The following KATNAL1 variants were observed in gnomAD, a reference collection of about 807,000 sequenced individuals.
The protein encoded by KATNAL1 is katanin p60 ATPase-containing subunit A-like 1.
In KATNAL1, 32 loss-of-function variants were observed where a neutral mutation model predicts 55.2. The observed-to-expected ratio is 0.58, with a 90% CI of 0.44 to 0.78. The LOEUF is 0.78. Ranked by LOEUF, KATNAL1 falls within the 30% of genes least tolerant of loss-of-function variation. KATNAL1 has a pLI of 0.00. For missense variants in KATNAL1, 466 were observed against 600.9 expected (o/e 0.78, Z 2.35); for synonymous variants, 193 against 193.6 (o/e 1.00, Z 0.02).
chr13:30,208,509 A>C lies in KATNAL1; in HGVS notation c.*31T>G. The C allele has an allele frequency of 6.9e-7, 1 of 1,457,324 alleles. No homozygotes were observed. Among genetic ancestry groups the C allele is most frequent in the Non-Finnish European group, 9.1e-7 (1 of 1,094,094 alleles). The allele number at this position is 1,457,324 out of a possible 1,614,324, so 90.3% of individuals were successfully genotyped here. ...GAATTTCTTCGTATTTTATCAACAA[A>C]AATACCAGAAATTAAAGAGCTGACA... On this transcript the variant is annotated 3_prime_UTR_variant, in exon 11 of 11. Transcript: ENST00000380615.
chr13:30,272,814 G>A (rs1057090785), intron 3 of KATNAL1, among the ~76,000 whole-genome samples: 3 of 152,126 alleles, frequency 2.0e-5, no homozygotes, highest in African/African-American at 7.2e-5. Context: ...CAAATGGAAC[G>A]TCCTCCCACC....
chr13:30,246,333 C>T (rs750316238), intron 4 of KATNAL1, among the ~76,000 whole-genome samples: 1 of 152,196 alleles, frequency 6.6e-6, no homozygotes, highest in South Asian at 2.1e-4. Flanking sequence ...GGAAAATTGG[C>T]TAGCCATATG....
At chr13:30,265,200 A>T (rs866635157) in intron 3 of KATNAL1, among the ~76,000 whole-genome samples, 1 of 148,956 alleles carries the variant, frequency 6.7e-6, no homozygotes, top group African/African-American at 2.5e-5. Flanking sequence ...AGGAAGGGGA[A>T]CATCACACTC....
chr13:30,282,522 T>A (rs538401554), intron 2 of KATNAL1, among the ~76,000 whole-genome samples: 1 of 151,754 alleles, frequency 6.6e-6, no homozygotes, highest in Non-Finnish European at 1.5e-5. Flanking sequence ...CCTGTCCCCC[T>A]AGCTACTTGG....
At chr13:30,290,405 AAG>A (rs1237147617) in intron 1 of KATNAL1, among the ~76,000 whole-genome samples, 8 of 152,218 alleles carry the variant, frequency 5.3e-5, no homozygotes, top group Non-Finnish European at 1.0e-4. Context: ...TGAAAGACAA[AAG>A]AGAGTTTAAT....
intron 6 of KATNAL1, among the ~76,000 whole-genome samples, chr13:30,232,123 TA>T (rs1441210984): frequency 6.6e-6 from 1 of 152,120 alleles, no homozygotes; most frequent in Admixed American, 6.5e-5. Flanking sequence ...AAAACAAACA[TA>T]AAAGTATTCT....
At chr13:30,287,817 T>C (rs146324644) in intron 1 of KATNAL1, among the ~76,000 whole-genome samples, 2 of 152,224 alleles carry the variant, frequency 1.3e-5, no homozygotes, top group Admixed American at 1.3e-4. Flanking sequence ...AAGATAAAAA[T>C]ATCCTGATAC....
chr13:30,276,059 C>T (rs1344311699), intron 3 of KATNAL1, among the ~76,000 whole-genome samples: 4 of 151,990 alleles, frequency 2.6e-5, no homozygotes, highest in African/African-American at 4.8e-5. Context: ...AAAATCATTT[C>T]GTTAATACAA....
At chr13:30,228,335 A>T (rs750186059) in intron 8 of KATNAL1, among the ~76,000 whole-genome samples, 44 of 152,280 alleles carry the variant, frequency 2.9e-4, no homozygotes, top group African/African-American at 7.9e-4. Flanking sequence ...AGTATTTTTT[A>T]AAAAAACAAG....
intron 2 of KATNAL1, among the ~76,000 whole-genome samples, chr13:30,281,284 G>A (rs578037226): frequency 1.3e-5 from 2 of 151,746 alleles, no homozygotes; most frequent in African/African-American, 2.4e-5. Flanking sequence ...ATATGAAGGA[G>A]TTACAGATCC....
intron 6 of KATNAL1, 145 bp from the exon 7 acceptor site, chr13:30,231,617 AGAG>A: frequency 2.1e-6 from 1 of 486,592 alleles, no homozygotes; most frequent in Non-Finnish European, 3.4e-6. Flanking sequence ...GCATTTAGTA[AGAG>A]TATTATTTTA....
intron 9 of KATNAL1, among the ~76,000 whole-genome samples, chr13:30,217,351 G>A (rs1240060624): frequency 6.6e-6 from 1 of 152,174 alleles, no homozygotes; most frequent in Non-Finnish European, 1.5e-5. Flanking sequence ...CTACTCGGGA[G>A]GGGGAGGCAG....
chr13:30,305,330 T>C (rs1883112097), intron 1 of KATNAL1, among the ~76,000 whole-genome samples: 1 of 152,250 alleles, frequency 6.6e-6, no homozygotes, highest in Non-Finnish European at 1.5e-5. Flanking sequence ...ATCTATCCTT[T>C]GCTTATTTTG....
At chr13:30,240,670 G>A (rs1478807878) in intron 5 of KATNAL1, 105 bp from the exon 6 acceptor site, 1 of 779,044 alleles carries the variant, frequency 1.3e-6, no homozygotes, top group Admixed American at 2.7e-5. Flanking sequence ...TATTCTCATA[G>A]TAAGAACATT....
chr13:30,217,998 C>T (rs188921501), intron 9 of KATNAL1, among the ~76,000 whole-genome samples: 22 of 151,978 alleles, frequency 1.4e-4, no homozygotes, highest in African/African-American at 4.8e-4. Context: ...CATGCTGTAA[C>T]GTCGGCTTTG....
chr13:30,284,693 C>T (rs1881658240), intron 1 of KATNAL1, among the ~76,000 whole-genome samples: 1 of 152,170 alleles, frequency 6.6e-6, no homozygotes, highest in African/African-American at 2.4e-5. Flanking sequence ...CCATCATTCT[C>T]TATATCTTTT....
chr13:30,268,978 C>T (rs932265127), intron 3 of KATNAL1, among the ~76,000 whole-genome samples: 3 of 152,036 alleles, frequency 2.0e-5, no homozygotes, highest in African/African-American at 4.8e-5. Context: ...GGAATGGTAA[C>T]ACACACACAA....
At chr13:30,302,710 A>T (rs1203224387) in intron 1 of KATNAL1, among the ~76,000 whole-genome samples, 1 of 152,232 alleles carries the variant, frequency 6.6e-6, no homozygotes, top group Non-Finnish European at 1.5e-5. Flanking sequence ...AAAAAACACA[A>T]GAGTGAGTAT....
intron 1 of KATNAL1, among the ~76,000 whole-genome samples, chr13:30,298,321 A>G (rs1882654822): frequency 6.6e-6 from 1 of 152,226 alleles, no homozygotes; most frequent in Non-Finnish European, 1.5e-5. Context: ...AGATTCAACT[A>G]TGCCCTTATA....
Sources: allele counts gnomAD v4.1 joint callset (sites outside exome capture counted in the v4.1 genomes callset), GRCh38; gene constraint gnomAD v4.1.1; transcripts MANE v1.5; gene names NCBI Gene and HGNC (gene_info 2026-07-23, HGNC 2026-07-21).